ELAVL2: variants seen among roughly 807,000 people sequenced by gnomAD.
ELAVL2 encodes ELAV like RNA binding protein 2.
In ELAVL2, 4 loss-of-function variants were observed where a neutral mutation model predicts 34.6. The observed-to-expected ratio is 0.12, with a 90% CI of 0.06 to 0.26. The LOEUF (loss-of-function observed/expected upper bound fraction) is 0.26. ELAVL2 is among the 10% of genes least tolerant of loss of function. The pLI is 1.00. For missense variants in ELAVL2, 432 were observed against 442.8 expected (o/e 0.98, Z 0.22); for synonymous variants, 193 against 154.8 (o/e 1.25, Z -1.83).
At chr9:23,722,475 G>A (rs558273551) in intron 3 of ELAVL2, among the ~76,000 whole-genome samples, 1 of 152,280 alleles carries the variant, frequency 6.6e-6, no homozygotes, top group South Asian at 2.1e-4. Flanking sequence ...CTCTGCAAGA[G>A]GGCAGAGTTC....
At chr9:23,736,902 C>T (rs1310572628) in intron 2 of ELAVL2, among the ~76,000 whole-genome samples, 3 of 152,168 alleles carry the variant, frequency 2.0e-5, no homozygotes, top group African/African-American at 7.2e-5. Flanking sequence ...CCTACACATA[C>T]ACCCTAAAAT....
intron 1 of ELAVL2, among the ~76,000 whole-genome samples, chr9:23,807,203 T>G (rs1163867044): frequency 6.6e-6 from 1 of 152,184 alleles, no homozygotes; most frequent in Non-Finnish European, 1.5e-5. Flanking sequence ...CTTAATAATC[T>G]AATAAGGTGG....
intron 3 of ELAVL2, among the ~76,000 whole-genome samples, chr9:23,729,399 C>T (rs2046007185): frequency 1.3e-5 from 2 of 152,026 alleles, no homozygotes; most frequent in East Asian, 1.9e-4. Flanking sequence ...AGCACACGGT[C>T]TGACGGTAAC....
intron 1 of ELAVL2, among the ~76,000 whole-genome samples, chr9:23,778,844 G>A (rs1431346614): frequency 6.6e-6 from 1 of 152,150 alleles, no homozygotes; most frequent in East Asian, 1.9e-4. Context: ...GACTGCCACA[G>A]ACATTCAAAG....
chr9:23,784,278 C>G (rs2059424949), intron 1 of ELAVL2, among the ~76,000 whole-genome samples: 1 of 152,066 alleles, frequency 6.6e-6, no homozygotes, highest in African/African-American at 2.4e-5. Context: ...GTGGGAGAGA[C>G]ATATTAAACA....
At chr9:23,742,574 T>C (rs184398731) in intron 2 of ELAVL2, among the ~76,000 whole-genome samples, 128 of 152,320 alleles carry the variant, frequency 8.4e-4, no homozygotes, top group African/African-American at 3.0e-3. Context: ...TTATGTGTAC[T>C]GATCATAAAG....
At chr9:23,744,333 G>A (rs990884482) in intron 2 of ELAVL2, among the ~76,000 whole-genome samples, 1 of 152,160 alleles carries the variant, frequency 6.6e-6, no homozygotes, top group African/African-American at 2.4e-5. Context: ...TCGAAGAAAT[G>A]AATGTTTTAC....
intron 1 of ELAVL2, among the ~76,000 whole-genome samples, chr9:23,789,769 T>G (rs1027287120): frequency 6.6e-6 from 1 of 152,312 alleles, no homozygotes; most frequent in Non-Finnish European, 1.5e-5. Flanking sequence ...TAAACATTCT[T>G]AAAGACAGCC....
intron 1 of ELAVL2, among the ~76,000 whole-genome samples, chr9:23,767,755 A>G (rs1164618077): frequency 6.6e-6 from 1 of 152,194 alleles, no homozygotes; most frequent in African/African-American, 2.4e-5. Flanking sequence ...CCTGGGTGAC[A>G]GTGAGAGACT....
rs770201356 is a variant in ELAVL2, at chr9:23,704,944, G to A, written c.461C>T (p.Ser154Phe). The stretch of plus-strand genomic sequence containing the variant: ...AGTGACCTGGTCGACAAGAATACGA[G>A]AAGTAATAATGCGTCCATATTGTGA... ...LFSQYGRIIT[S>F]RILVDQVTGI... The change falls in exon 4 of 7, where the codon TCT becomes TTT. Residue 154 changes from serine (S) to phenylalanine (F), a missense_variant. Ser to Phe is a radical substitution (Grantham distance 155). Transcript: ENST00000397312. The A allele has an allele frequency of 1.9e-6, 3 of 1,614,060 alleles. No homozygotes were observed. Among genetic ancestry groups the A allele is most frequent in the Non-Finnish European group, 2.5e-6 (3 of 1,179,984 alleles).
At position 23,770,487 on chromosome 9, in the gene ELAVL2, G is replaced by C. The variant is rs577502241; in HGVS notation, c.-15-8238C>G. 2.0e-5 allele frequency among the ~76,000 whole-genome samples: 3 copies of C among 152,354 alleles called. No individual in the cohort carries two copies. The South Asian group carries it at 6.2e-4, about 32-fold the overall frequency. Reference sequence around the variant, plus strand: ...TAATCAGCTCACCTTGAGAAAGGGAGATTATCCTTGGTTACTGAGGTGGGC... The same window carrying C: ...TAATCAGCTCACCTTGAGAAAGGGACATTATCCTTGGTTACTGAGGTGGGC... On this transcript the variant is annotated intron_variant, in intron 1 of 6. Transcript: ENST00000397312.
At chr9:23,767,609 C>A (rs2056550218) in intron 1 of ELAVL2, among the ~76,000 whole-genome samples, 2 of 151,978 alleles carry the variant, frequency 1.3e-5, no homozygotes. Context: ...GGTGAAACCC[C>A]ACCTCTACTA....
intron 1 of ELAVL2, among the ~76,000 whole-genome samples, chr9:23,805,019 C>T (rs1363842511): frequency 6.6e-6 from 1 of 152,080 alleles, no homozygotes; most frequent in Non-Finnish European, 1.5e-5. Flanking sequence ...CCAAGGACAA[C>T]AAATAAATGC....
chr9:23,808,789 A>T (rs1442244123), intron 1 of ELAVL2, among the ~76,000 whole-genome samples: 1 of 152,156 alleles, frequency 6.6e-6, no homozygotes, highest in Non-Finnish European at 1.5e-5. Flanking sequence ...TGTTAGCCAT[A>T]ATGAAAAATT....
chr9:23,822,355 C>G (rs376286519), intron 1 of ELAVL2, among the ~76,000 whole-genome samples: 9 of 152,136 alleles, frequency 5.9e-5, no homozygotes, highest in African/African-American at 2.2e-4. Context: ...TAAATAAGCC[C>G]AGAGTACCTG....
chr9:23,827,095 C>T (rs1173156894), upstream of ELAVL2, among the ~76,000 whole-genome samples: 2 of 152,096 alleles, frequency 1.3e-5, no homozygotes, highest in Admixed American at 6.5e-5. Flanking sequence ...TCCTTCACTT[C>T]GAGGTGTCTA....
intron 1 of ELAVL2, among the ~76,000 whole-genome samples, chr9:23,822,258 G>T (rs1035716620): frequency 6.6e-6 from 1 of 151,568 alleles, no homozygotes; most frequent in Non-Finnish European, 1.5e-5. Flanking sequence ...CCCCTACTTC[G>T]CAGCCAAGGG....
At chr9:23,715,039 T>A (rs998520148) in intron 3 of ELAVL2, among the ~76,000 whole-genome samples, 1 of 152,180 alleles carries the variant, frequency 6.6e-6, no homozygotes, top group African/African-American at 2.4e-5. Context: ...TATATTACTA[T>A]GTTTTATACT....
At chr9:23,757,318 G>A (rs2053812413) in intron 2 of ELAVL2, among the ~76,000 whole-genome samples, 1 of 152,022 alleles carries the variant, frequency 6.6e-6, no homozygotes, top group Non-Finnish European at 1.5e-5. Context: ...CATCTTTAAA[G>A]AGTGAGCTCT....
Sources: allele counts gnomAD v4.1 joint callset (sites outside exome capture counted in the v4.1 genomes callset), GRCh38; gene constraint gnomAD v4.1.1; transcripts MANE v1.5; gene names NCBI Gene and HGNC (gene_info 2026-07-23, HGNC 2026-07-21).